The following SRF variants were observed in gnomAD, a reference collection of about 807,000 sequenced individuals.
The protein encoded by SRF is c-fos serum response element-binding transcription factor.
In SRF, 7 loss-of-function variants were observed where a neutral mutation model predicts 37.1. The observed-to-expected ratio is 0.19, with a 90% CI of 0.11 to 0.35. SRF has a LOEUF of 0.35. Ranked by LOEUF, SRF falls within the 10% of genes least tolerant of loss-of-function variation. The pLI is 1.00. For missense variants in SRF, 395 were observed against 694.4 expected, an observed-to-expected ratio of 0.57 and a Z score of 4.85; for synonymous variants, 285 against 310.1, an observed-to-expected ratio of 0.92 and a Z score of 0.85.
Position 43,179,485 on chromosome 6 carries a change from A to G in SRF, c.*295A>G. 5 of 454,400 alleles carry G rather than the reference A, an allele frequency of 1.1e-5. No homozygotes were observed. The highest frequency in any genetic ancestry group is 1.6e-5 in the Non-Finnish European group (4 of 243,912). The allele number at this position is 454,400 out of a possible 1,614,324, so 28.1% of individuals were successfully genotyped here. A position where few individuals can be genotyped will look rare whatever the true frequency, so the allele number is the denominator to read the frequency against. On this transcript the variant is annotated 3_prime_UTR_variant, in exon 7 of 7. Transcript: ENST00000265354. The surrounding 1 kb of genome is among the most constrained non-coding windows in gnomAD (Gnocchi z 5.3). ...GCTTGGCTCGATGTTTGCCATGAGTATTAGCTTACCCAATGGGACCGTGCC... is the reference window on the plus strand; with the variant it reads ...GCTTGGCTCGATGTTTGCCATGAGTGTTAGCTTACCCAATGGGACCGTGCC...
In SRF at chr6:43,176,043, G is replaced by T. The variant is rs750660761; in HGVS notation, c.1042+76G>T. On this transcript the variant is annotated intron_variant, in intron 3 of 6. Transcript: ENST00000265354. This position sits in a 1 kb window ranked among gnomAD's most constrained non-coding sequence, Gnocchi z 4.0. ...CATGCTAAGAGTGTGTTTAGGGCTG[G>T]CACCAAGAGAACCTCTTTCCCTGCT... The T allele has an allele frequency of 1.1e-4, 171 of 1,550,178 alleles. No individual in the cohort carries two copies. The highest frequency in any genetic ancestry group is 1.9e-5 in the Non-Finnish European group (22 of 1,148,398).
Position 43,179,041 on chromosome 6 carries a change from G to T in SRF, c.1432-54G>T. ...GTTGGCAGGCAGGGAAGCCAGGGGAGCCTGAACTGGCTGGCCAGTCCCTGC... is the reference window on the plus strand; with the variant it reads ...GTTGGCAGGCAGGGAAGCCAGGGGATCCTGAACTGGCTGGCCAGTCCCTGC... On this transcript the variant is annotated intron_variant, in intron 6 of 6. Transcript: ENST00000265354. The surrounding 1 kb of genome is among the most constrained non-coding windows in gnomAD (Gnocchi z 5.3). 3 of 1,603,124 alleles carry T rather than the reference G, an allele frequency of 1.9e-6. No individual in the cohort carries two copies. The highest frequency in any genetic ancestry group is 2.6e-6 in the Non-Finnish European group (3 of 1,170,588).
chr6:43,180,594 C>T lies in SRF; in HGVS notation c.*1404C>T. 1 of 152,680 alleles carries T rather than the reference C, an allele frequency of 6.5e-6. No homozygotes were observed. The highest frequency in any genetic ancestry group is 1.9e-4 in the East Asian group (1 of 5,186). The allele number at this position is 152,680 out of a possible 1,614,324, so 9.5% of individuals were successfully genotyped here. On this transcript the variant is annotated 3_prime_UTR_variant, in exon 7 of 7. Transcript: ENST00000265354. ...AACCTCAGTATTTATGTAATTTGTA[C>T]AGGGGCCATGCCCCACCCCCCTCCT...
In SRF at chr6:43,171,929, G is replaced by C. The variant is rs993953754; in HGVS notation, c.273G>C (p.Leu91=). 1.4e-6 allele frequency: 2 copies of C among 1,469,970 alleles called. No homozygotes were observed. Among genetic ancestry groups the C allele is most frequent in the African/African-American group, 2.9e-5 (2 of 68,210 alleles). The allele number at this position is 1,469,970 out of a possible 1,614,324, so 91.1% of individuals were successfully genotyped here. A position where few individuals can be genotyped will look rare whatever the true frequency, so the allele number is the denominator to read the frequency against. The part of the protein sequence containing the change: ...GDSESGEEEE[L]GAERRGLKRS... ...CGGAGTCGGGCGAGGAGGAGGAGCT[G>C]GGCGCCGAGCGGCGCGGCCTGAAGC... is the stretch of plus-strand genomic sequence containing the variant. The change falls in exon 1 of 7, where the codon CTG becomes CTC. Residue 91 remains leucine, a synonymous_variant. Coordinates refer to ENST00000265354, the MANE Select transcript of SRF (RefSeq NM_003131.4). This position sits in a 1 kb window ranked among gnomAD's most constrained non-coding sequence, Gnocchi z 6.5.
In SRF at chr6:43,175,739, C is replaced by T. The variant is rs752038428; in HGVS notation, c.814C>T (p.Leu272=). The stretch of plus-strand genomic sequence containing the variant: ...GAAGCCGGCGTTCACAGTCACCAAC[C>T]TGCCGGGTACAACCTCCACCATCCA... ...TLKPAFTVTN[L]PGTTSTIQTA... Residue 272 remains leucine, a synonymous_variant, in exon 3 of 7, where the codon CTG becomes TTG. Transcript: ENST00000265354. 1.2e-6 allele frequency: 2 copies of T among 1,614,206 alleles called. No homozygotes were observed. The highest frequency in any genetic ancestry group is 1.7e-6 in the Non-Finnish European group (2 of 1,180,032).
At chr6:43,174,252 A>C (rs938588201) in intron 2 of SRF, 139 bp downstream of exon 2, 2 of 1,161,508 alleles carry the variant, frequency 1.7e-6, no homozygotes, top group Admixed American at 2.6e-5. Flanking sequence ...ACAGGTGTCC[A>C]TCCTCACTTT....
rs199852197 is a variant in SRF at position 43,176,506 on chromosome 6, A to G, written c.1043-42A>G. 3.0e-5 allele frequency: 48 copies of G among 1,608,022 alleles called. No homozygotes were observed. Among genetic ancestry groups the G allele is most frequent in the African/African-American group, 2.9e-4 (22 of 74,904 alleles). The stretch of plus-strand genomic sequence containing the variant: ...CCATGGGTACTTGGTGGAGGTGGCA[A>G]TTGGGTGGGACAGAGCACAAATAAG... On this transcript the variant is annotated intron_variant, in intron 3 of 6. Coordinates refer to ENST00000265354, the MANE Select transcript of SRF (RefSeq NM_003131.4). This position sits in a 1 kb window ranked among gnomAD's most constrained non-coding sequence, Gnocchi z 4.0.
rs544658252 is a variant in SRF, at chr6:43,177,228, G to GTTTTTTTTTTTTTTTTTTTTTT, written c.1162+578_1162+579insTTTTTTTTTTTTTTTTTTTTTT. ...CCCCAAACCTAGTGAATCGGAGTCT[G>GTTTTTTTTTTTTTTTTTTTTTT]TTTTTTTTTTTTTTTTTGAGACGGA... is the stretch of plus-strand genomic sequence containing the variant. On this transcript the variant is annotated intron_variant, in intron 4 of 6. Coordinates refer to ENST00000265354, the MANE Select transcript of SRF (RefSeq NM_003131.4). Among the ~76,000 whole-genome samples the GTTTTTTTTTTTTTTTTTTTTTT allele has an allele frequency of 4.4e-4, 51 of 116,800 alleles. 4 individuals are homozygous for GTTTTTTTTTTTTTTTTTTTTTT. The highest frequency in any genetic ancestry group is 1.4e-3 in the African/African-American group (37 of 26,178). 76.6% of individuals were successfully genotyped at this position (116,800 alleles called of 152,430 possible).
intron 4 of SRF, among the ~76,000 whole-genome samples, chr6:43,177,840 A>G (rs758206603): frequency 2.7e-5 from 4 of 149,940 alleles, no homozygotes; most frequent in Admixed American, 6.7e-5. Context: ...GCATGAGCCC[A>G]GGAGGCGGAG....
chr6:43,173,725 A>T lies in SRF; in HGVS notation c.514-122A>T. On this transcript the variant is annotated intron_variant, in intron 1 of 6. Transcript: ENST00000265354. The surrounding 1 kb of genome is among the most constrained non-coding windows in gnomAD (Gnocchi z 4.2). Reference sequence around the variant, plus strand: ...AGGACACCCTGCCCTCAGAGTCATTAGAGACGAAGGTCATTATGGGAATGG... The same window carrying T: ...AGGACACCCTGCCCTCAGAGTCATTTGAGACGAAGGTCATTATGGGAATGG... 1 of 1,326,274 alleles carries T rather than the reference A, an allele frequency of 7.5e-7. No homozygotes were observed. The highest frequency in any genetic ancestry group is 1.0e-6 in the Non-Finnish European group (1 of 981,518). The allele number at this position is 1,326,274 out of a possible 1,614,324, so 82.2% of individuals were successfully genotyped here.
Position 43,173,828 on chromosome 6 carries a change from C to T in SRF, c.514-19C>T, listed in dbSNP as rs762675693. 12 of 1,606,220 alleles carry T rather than the reference C, an allele frequency of 7.5e-6. No homozygotes were observed. Among genetic ancestry groups the T allele is most frequent in the Middle Eastern group, 1.7e-4 (1 of 6,046 alleles). On this transcript the variant is annotated intron_variant, in intron 1 of 6. Transcript: ENST00000265354. The surrounding 1 kb of genome is among the most constrained non-coding windows in gnomAD (Gnocchi z 4.2). The stretch of plus-strand genomic sequence containing the variant: ...ATAAAAAGTTTGCTGACCTGCCCAT[C>T]TCCCTCCTCACCCCTCAGGCCTATG...
chr6:43,176,011 A>T lies in SRF; in HGVS notation c.1042+44A>T, dbSNP rs1772191533. 1 of 1,596,020 alleles carries T rather than the reference A, an allele frequency of 6.3e-7. No individual in the cohort carries two copies. The highest frequency in any genetic ancestry group is 1.1e-5 in the South Asian group (1 of 90,700). On this transcript the variant is annotated intron_variant, in intron 3 of 6. Coordinates refer to ENST00000265354, the MANE Select transcript of SRF (RefSeq NM_003131.4). The surrounding 1 kb of genome is among the most constrained non-coding windows in gnomAD (Gnocchi z 4.0). ...GGAGAGATTCGTCCTTCCTGGGGCA[A>T]ATCAAGCATGCTAAGAGTGTGTTTA... is the stretch of plus-strand genomic sequence containing the variant.
In SRF at chr6:43,175,711, A is replaced by G. The variant is rs1582254650; in HGVS notation, c.786A>G (p.Thr262=). ...ESDSSGETKD[T]LKPAFTVTNL... ...CATCTTTACTCTGGGTATAGGACAC[A>G]CTGAAGCCGGCGTTCACAGTCACCA... is the stretch of plus-strand genomic sequence containing the variant. Residue 262 remains threonine (T), a synonymous_variant, in exon 3 of 7, where the codon ACA becomes ACG. Transcript: ENST00000265354. 1 of 1,614,164 alleles carries G rather than the reference A, an allele frequency of 6.2e-7. No individual in the cohort carries two copies. The highest frequency in any genetic ancestry group is 8.5e-7 in the Non-Finnish European group (1 of 1,180,020).
Position 43,171,780 on chromosome 6 carries a change from G to A in SRF, c.124G>A (p.Gly42Ser), listed in dbSNP as rs1403902458. 9.1e-6 allele frequency: 11 copies of A among 1,214,880 alleles called. No individual in the cohort carries two copies. Among genetic ancestry groups the A allele is most frequent in the Non-Finnish European group, 1.1e-5 (11 of 977,532 alleles). The allele number at this position is 1,214,880 out of a possible 1,614,324, so 75.3% of individuals were successfully genotyped here. A position where few individuals can be genotyped will look rare whatever the true frequency, so the allele number is the denominator to read the frequency against. Residue 42 changes from glycine to serine, a missense_variant, in exon 1 of 7, where the codon GGC becomes AGC. This residue lies in a region of SRF where 134 missense variants were observed against 204.5 expected (regional missense o/e 0.66). Coordinates refer to ENST00000265354, the MANE Select transcript of SRF (RefSeq NM_003131.4). This position sits in a 1 kb window ranked among gnomAD's most constrained non-coding sequence, Gnocchi z 6.5. ...GGGGTRGANG[G>S]RVPGNGAGLG... ...CGGCGGGACACGCGGGGCTAACGGGGGCCGGGTCCCCGGGAATGGCGCGGG... is the reference window on the plus strand; with the variant it reads ...CGGCGGGACACGCGGGGCTAACGGGAGCCGGGTCCCCGGGAATGGCGCGGG...
Position 43,178,925 on chromosome 6 carries a change from T to C in SRF, c.1431+43T>C, listed in dbSNP as rs752943356. ...TCACCCCATCCCAGATAGCCACTTCTTTGTCTTGACCTTAGGGGATCCTGT... is the reference window on the plus strand; with the variant it reads ...TCACCCCATCCCAGATAGCCACTTCCTTGTCTTGACCTTAGGGGATCCTGT... On this transcript the variant is annotated intron_variant, in intron 6 of 6. Coordinates refer to ENST00000265354, the MANE Select transcript of SRF (RefSeq NM_003131.4). The surrounding 1 kb of genome is among the most constrained non-coding windows in gnomAD (Gnocchi z 4.3). The C allele has an allele frequency of 5.0e-6, 8 of 1,605,090 alleles. No individual in the cohort carries two copies. In the Admixed American group the frequency reaches 1.2e-4, roughly 23 times the overall value.
At position 43,180,009 on chromosome 6, in the gene SRF, C is replaced by T. The variant is rs868798902; in HGVS notation, c.*819C>T. 6.6e-6 allele frequency: 1 copy of T among 152,308 alleles called. No homozygotes were observed. The highest frequency in any genetic ancestry group is 1.5e-5 in the Non-Finnish European group (1 of 68,020). 9.4% of individuals were successfully genotyped at this position (152,308 alleles called of 1,614,324 possible). A position where few individuals can be genotyped will look rare whatever the true frequency, so the allele number is the denominator to read the frequency against. On this transcript the variant is annotated 3_prime_UTR_variant, in exon 7 of 7. Transcript: ENST00000265354. ...CCCCCTCCCTGCCCAAACTCCCCTT[C>T]CCTGGGGAGCCCTCAGGCTCCCCAG... is the stretch of plus-strand genomic sequence containing the variant.
intron 2 of SRF, among the ~76,000 whole-genome samples, chr6:43,175,500 G>A (rs1772179848): frequency 6.6e-6 from 1 of 152,090 alleles, no homozygotes; most frequent in African/African-American, 2.4e-5. Context: ...GCAACCTAGG[G>A]GGTAGGTATT....
Position 43,171,613 on chromosome 6 carries a change from C to A in SRF, c.-44C>A. 1 of 1,187,124 alleles carries A rather than the reference C, an allele frequency of 8.4e-7. No individual in the cohort carries two copies. Among genetic ancestry groups the A allele is most frequent in the East Asian group, 3.6e-5 (1 of 27,858 alleles). 73.5% of individuals were successfully genotyped at this position (1,187,124 alleles called of 1,614,324 possible). ...CCGATGGCGGCGGCTGCGGCGGCTC[C>A]GATTCCTCGCTGACTGCCCGTCCGC... On this transcript the variant is annotated 5_prime_UTR_variant, in exon 1 of 7. Coordinates refer to ENST00000265354, the MANE Select transcript of SRF (RefSeq NM_003131.4). This position sits in a 1 kb window ranked among gnomAD's most constrained non-coding sequence, Gnocchi z 6.5.
chr6:43,178,556 C>G lies in SRF; in HGVS notation c.1354+71C>G. The stretch of plus-strand genomic sequence containing the variant: ...TTATACACACACACACACACACATA[C>G]ACACACATATGCACTGATGCCTACA... On this transcript the variant is annotated intron_variant, in intron 5 of 6. Transcript: ENST00000265354. This position sits in a 1 kb window ranked among gnomAD's most constrained non-coding sequence, Gnocchi z 4.3. 6.9e-7 allele frequency: 1 copy of G among 1,439,746 alleles called. No individual in the cohort carries two copies. 89.2% of individuals were successfully genotyped at this position (1,439,746 alleles called of 1,614,324 possible).
Sources: gnomAD v4.1 joint callset for allele counts (sites outside exome capture counted in the v4.1 genomes callset) on GRCh38, gnomAD v4.1.1 for gene constraint, gnomAD v4.1.1 regional missense constraint, Gnocchi (gnomAD v3.1) non-coding constraint, MANE v1.5 for transcripts, NCBI Gene and HGNC (gene_info 2026-07-23, HGNC 2026-07-21) for gene names.